The following UGT2B4 variants were observed in gnomAD, a reference collection of about 807,000 sequenced individuals.
The protein encoded by UGT2B4 is UDP glucuronosyltransferase family 2 member B4, also known as UDP-glucuronosyltransferase 2B4.
Under a neutral mutation model 49.8 loss-of-function variants are expected in UGT2B4, and 49 were observed. The ratio of observed to expected loss-of-function variants is 0.98; its 90% CI spans 0.78 to 1.25. The LOEUF (loss-of-function observed/expected upper bound fraction) is 1.25. Among genes scored for constraint, UGT2B4 ranks in the 50% most tolerant of loss-of-function variants. The pLI, the probability that UGT2B4 is intolerant of heterozygous loss-of-function variation, is 0.00. For missense variants in UGT2B4, 729 were observed against 627.7 expected, an observed-to-expected ratio of 1.16 and a Z score of -1.73; for synonymous variants, 246 against 217.7, an observed-to-expected ratio of 1.13 and a Z score of -1.14.
chr4:69,499,960 G>T (rs1029606740), upstream of UGT2B4, among the ~76,000 whole-genome samples: 5 of 152,132 alleles, frequency 3.3e-5, no homozygotes, highest in African/African-American at 4.8e-5. Flanking sequence ...GTTCATTGCT[G>T]CACTATGCAC....
At chr4:69,485,088 G>C in intron 5 of UGT2B4, 120 bp downstream of exon 5, 1 of 1,261,524 alleles carries the variant, frequency 7.9e-7, no homozygotes, top group Non-Finnish European at 1.1e-6. Flanking sequence ...ATTTCAGATT[G>C]TTTAAATCAC....
chr4:69,515,694 C>T (rs1354147671), intron 1 of UGT2B4, among the ~76,000 whole-genome samples: 3 of 152,034 alleles, frequency 2.0e-5, no homozygotes, highest in Non-Finnish European at 4.4e-5. Context: ...CGTGAAAAAT[C>T]ACTTCAAAAT....
chr4:69,523,329 A>C (rs1728887325), intron 1 of UGT2B4, among the ~76,000 whole-genome samples: 1 of 152,130 alleles, frequency 6.6e-6, no homozygotes, highest in Admixed American at 6.5e-5. Flanking sequence ...AAATGATAAA[A>C]CTTGAAAGTC....
At chr4:69,501,314 T>C (rs2109820557) in intron 1 of UGT2B4, among the ~76,000 whole-genome samples, 1 of 152,232 alleles carries the variant, frequency 6.6e-6, no homozygotes, top group Admixed American at 6.5e-5. Flanking sequence ...CCAGACTGCT[T>C]CTTTAAGCAG....
chr4:69,489,709 T>A, intron 2 of UGT2B4, 139 bp from the exon 3 acceptor site: 1 of 1,278,718 alleles, frequency 7.8e-7, no homozygotes, highest in Non-Finnish European at 1.1e-6. Context: ...CTGACTCAAT[T>A]ACTCAGTTTT....
At chr4:69,492,970 TC>T (rs770622612) in intron 2 of UGT2B4, among the ~76,000 whole-genome samples, 76 of 152,128 alleles carry the variant, frequency 5.0e-4, no homozygotes, top group Non-Finnish European at 1.0e-3. Flanking sequence ...TATTTTCTTT[TC>T]TTAACTCTTT....
At chr4:69,524,417 T>C (rs36086046) in intron 1 of UGT2B4, among the ~76,000 whole-genome samples, 53,270 of 151,580 alleles carry the variant, frequency 0.35, 9,455 homozygotes, top group Non-Finnish European at 0.37. Context: ...GGGAGAGAGA[T>C]GGGAAAAAGT....
chr4:69,493,912 T>C, intron 1 of UGT2B4, 71 bp from the exon 2 acceptor site: 1 of 1,528,068 alleles, frequency 6.5e-7, no homozygotes, highest in South Asian at 1.3e-5. Context: ...CTGAAAGAAG[T>C]TAGAATAATG....
At chr4:69,492,240 C>T (rs1728009283) in intron 2 of UGT2B4, among the ~76,000 whole-genome samples, 1 of 151,982 alleles carries the variant, frequency 6.6e-6, no homozygotes, top group Non-Finnish European at 1.5e-5. Context: ...TACTGGGTTG[C>T]TTGTCTTAAG....
chr4:69,487,619 G>A (rs151283161), intron 3 of UGT2B4, among the ~76,000 whole-genome samples: 15 of 152,004 alleles, frequency 9.9e-5, no homozygotes, highest in Non-Finnish European at 1.5e-4. Context: ...GGAGAGAAAG[G>A]ATCAGGAAAA....
intron 2 of UGT2B4, among the ~76,000 whole-genome samples, chr4:69,490,750 T>C (rs1317508775): frequency 2.0e-5 from 3 of 152,152 alleles, no homozygotes; most frequent in Non-Finnish European, 4.4e-5. Context: ...TTAATGATGT[T>C]AGAGTCATTG....
At chr4:69,498,410 C>T (rs1346709670), upstream of UGT2B4, among the ~76,000 whole-genome samples, 1 of 151,846 alleles carries the variant, frequency 6.6e-6, no homozygotes, top group Non-Finnish European at 1.5e-5. Flanking sequence ...TCAGCTGAAA[C>T]ATTCAGATAC....
At chr4:69,490,771 C>T (rs1439731205) in intron 2 of UGT2B4, among the ~76,000 whole-genome samples, 1 of 152,070 alleles carries the variant, frequency 6.6e-6, no homozygotes, top group Non-Finnish European at 1.5e-5. Context: ...TTCTGCTATT[C>T]AAGGTAATAC....
At chr4:69,492,946 A>G (rs985873523) in intron 2 of UGT2B4, among the ~76,000 whole-genome samples, 5 of 152,078 alleles carry the variant, frequency 3.3e-5, no homozygotes, top group Non-Finnish European at 4.4e-5. Flanking sequence ...TTTAAAAACT[A>G]TAATCTTATC....
At chr4:69,494,692 T>C (rs1728090815) in intron 1 of UGT2B4, among the ~76,000 whole-genome samples, 1 of 152,146 alleles carries the variant, frequency 6.6e-6, no homozygotes, top group African/African-American at 2.4e-5. Flanking sequence ...CATGGGTACA[T>C]ATTGCAATTA....
intron 1 of UGT2B4, among the ~76,000 whole-genome samples, chr4:69,521,433 A>G (rs1447454442): frequency 6.6e-6 from 1 of 152,136 alleles, no homozygotes; most frequent in Admixed American, 6.5e-5. Context: ...GATGTGGGTG[A>G]CTGCAGCAGA....
chr4:69,505,410 C>A (rs550247559), intron 1 of UGT2B4, among the ~76,000 whole-genome samples: 108 of 151,972 alleles, frequency 7.1e-4, no homozygotes, highest in African/African-American at 2.2e-3. Flanking sequence ...CAGAAAAAAA[C>A]CATATATTTC....
At chr4:69,482,772 A>G (rs1354008769) in intron 5 of UGT2B4, among the ~76,000 whole-genome samples, 1 of 151,660 alleles carries the variant, frequency 6.6e-6, no homozygotes, top group Non-Finnish European at 1.5e-5. Flanking sequence ...ATGCTTGGCT[A>G]ATTTTAGTAT....
At chr4:69,522,533 A>T (rs1728872609) in intron 1 of UGT2B4, among the ~76,000 whole-genome samples, 1 of 152,196 alleles carries the variant, frequency 6.6e-6, no homozygotes, top group Non-Finnish European at 1.5e-5. Context: ...ATATCTAAAA[A>T]ATAATGTACA....
Sources: allele counts gnomAD v4.1 joint callset (sites outside exome capture counted in the v4.1 genomes callset), GRCh38; gene constraint gnomAD v4.1.1; transcripts MANE v1.5; gene names NCBI Gene and HGNC (gene_info 2026-07-23, HGNC 2026-07-21).